Variants in ACSL1 observed in about 807,000 individuals in gnomAD.
The protein encoded by ACSL1 is acyl-CoA synthetase long chain family member 1, also known as long-chain-fatty-acid--CoA ligase 1.
A neutral mutation model predicts 98.4 loss-of-function variants in ACSL1; 41 were observed. The observed-to-expected ratio is 0.42, with a 90% CI of 0.32 to 0.54. The LOEUF (loss-of-function observed/expected upper bound fraction) is 0.54, where lower values mean the gene tolerates loss of function less well. Among genes scored for constraint, ACSL1 ranks in the 20% least tolerant of loss-of-function variants. The pLI is 0.13. For synonymous variants in ACSL1, 316 were observed against 322.7 expected (o/e 0.98, Z 0.22); for missense variants, 734 against 883.1 (o/e 0.83, Z 2.14).
rs1353868869 is a variant in ACSL1 at position 184,819,664 on chromosome 4, G to T, written c.-33+6252C>A. 2.0e-5 allele frequency among the ~76,000 whole-genome samples: 3 copies of T among 152,066 alleles called. No homozygotes were observed. The East Asian group carries it at 5.8e-4, about 29-fold the overall frequency. On this transcript the variant is annotated intron_variant, in intron 1 of 20. Coordinates refer to ENST00000281455, the MANE Select transcript of ACSL1 (RefSeq NM_001995.5). The stretch of plus-strand genomic sequence containing the variant: ...TTTCTAGAAGCCTCAGGATATGGTG[G>T]TTTGGAGAGGAGTGGAGATAGCAGG...
At chr4:184,771,846 A>C (rs1227105009) in intron 10 of ACSL1, among the ~76,000 whole-genome samples, 11 of 152,216 alleles carry the variant, frequency 7.2e-5, no homozygotes, top group Admixed American at 7.2e-4. Flanking sequence ...CAGCCCCAGA[A>C]GCACTGGATG....
chr4:184,788,768 T>A, intron 2 of ACSL1, 37 bp from the exon 3 acceptor site: 1 of 1,537,224 alleles, frequency 6.5e-7, no homozygotes, highest in Non-Finnish European at 9.0e-7. Flanking sequence ...TAGAAGGCAG[T>A]GAAACATCTA....
At chr4:184,779,922 G>C (rs1272654902) in intron 5 of ACSL1, among the ~76,000 whole-genome samples, 17 of 151,160 alleles carry the variant, frequency 1.1e-4, no homozygotes, top group Non-Finnish European at 2.1e-4. Context: ...GCCCAGGCTG[G>C]AGTGCAATGG....
Position 184,766,612 on chromosome 4 carries a change from C to T in ACSL1, c.1263+10G>A, listed in dbSNP as rs750898273. On this transcript the variant is annotated intron_variant, in intron 13 of 20. Coordinates refer to ENST00000281455, the MANE Select transcript of ACSL1 (RefSeq NM_001995.5). The surrounding 1 kb of genome is among the most constrained non-coding windows in gnomAD (Gnocchi z 4.8). ...TTCCATGGGAGCAGTGGCTGTGAGT[C>T]ACGTGTTACCTGTACTTTGTGGAAG... 207 of 1,609,778 alleles carry T rather than the reference C, an allele frequency of 1.3e-4. 16 individuals carry two copies. In the South Asian group the frequency reaches 2.3e-3, roughly 18 times the overall value.
At chr4:184,804,484 G>A (rs1171333855) in intron 1 of ACSL1, among the ~76,000 whole-genome samples, 1 of 151,986 alleles carries the variant, frequency 6.6e-6, no homozygotes, top group African/African-American at 2.4e-5. Context: ...GGAGGGTGAG[G>A]CAGGAGAATC....
intron 3 of ACSL1, among the ~76,000 whole-genome samples, chr4:184,784,853 C>T (rs952289284): frequency 6.6e-6 from 1 of 152,146 alleles, no homozygotes; most frequent in African/African-American, 2.4e-5. Context: ...TTTGCCATCC[C>T]TAAAAACAGT....
intron 17 of ACSL1, among the ~76,000 whole-genome samples, chr4:184,762,031 G>T (rs1202887017): frequency 6.6e-6 from 1 of 151,958 alleles, no homozygotes; most frequent in Non-Finnish European, 1.5e-5. Context: ...GGAGGCTGAG[G>T]CAGGAGAATC....
At chr4:184,793,018 T>C (rs1768668173) in intron 2 of ACSL1, among the ~76,000 whole-genome samples, 2 of 152,154 alleles carry the variant, frequency 1.3e-5, no homozygotes, top group South Asian at 4.1e-4. Flanking sequence ...CATAACCTAC[T>C]GATCAGCAGG....
At chr4:184,776,821 TGTAAA>T in intron 6 of ACSL1, 58 bp downstream of exon 6, 1 of 1,563,376 alleles carries the variant, frequency 6.4e-7, no homozygotes, top group Middle Eastern at 1.7e-4. Context: ...TGTAAGCAAA[TGTAAA>T]GTCACTGAAC....
At chr4:184,758,516 T>C (rs1762425348) in intron 18 of ACSL1, 1 of 152,334 alleles carries the variant, frequency 6.6e-6, no homozygotes, top group African/African-American at 2.4e-5. Flanking sequence ...TGACTGCCAT[T>C]ACACTCCAGC....
intron 12 of ACSL1, among the ~76,000 whole-genome samples, chr4:184,767,503 C>A (rs1031579778): frequency 6.6e-6 from 1 of 151,698 alleles, no homozygotes; most frequent in Non-Finnish European, 1.5e-5. Context: ...TGGAGGGGGT[C>A]GGGGAGCTGA....
intron 4 of ACSL1, 103 bp downstream of exon 4, chr4:184,783,824 C>T: frequency 9.3e-7 from 1 of 1,077,572 alleles, no homozygotes. Flanking sequence ...TGAGCTGGTC[C>T]AGCACATACA....
intron 2 of ACSL1, among the ~76,000 whole-genome samples, chr4:184,801,035 T>G (rs548626657): frequency 1.1e-4 from 17 of 152,068 alleles, no homozygotes; most frequent in African/African-American, 4.1e-4. Context: ...ATAAAAAAAT[T>G]TATAGAGATG....
chr4:184,803,294 C>A lies in ACSL1; in HGVS notation c.195+26G>T. On this transcript the variant is annotated intron_variant, in intron 2 of 20. Transcript: ENST00000281455. The surrounding 1 kb of genome is among the most constrained non-coding windows in gnomAD (Gnocchi z 4.8). The stretch of plus-strand genomic sequence containing the variant: ...TCTGGGGAAATGCGGAGAAAACGCA[C>A]GAGGCAGGCTGGGCCCTCCACTCAC... 1 of 1,505,654 alleles carries A rather than the reference C, an allele frequency of 6.6e-7. No individual in the cohort carries two copies. The highest frequency in any genetic ancestry group is 1.3e-5 in the South Asian group (1 of 76,162). The allele number at this position is 1,505,654 out of a possible 1,614,324, so 93.3% of individuals were successfully genotyped here. A position where few individuals can be genotyped will look rare whatever the true frequency, so the allele number is the denominator to read the frequency against.
rs191888589 is a variant in ACSL1 at position 184,766,113 on chromosome 4, C to T, written c.1264-127G>A. ...AGCTGCAGACCACACGGAGGCCACA[C>T]GGAGAACTCACAGCCCTCATGATGG... On this transcript the variant is annotated intron_variant, in intron 13 of 20. Coordinates refer to ENST00000281455, the MANE Select transcript of ACSL1 (RefSeq NM_001995.5). The surrounding 1 kb of genome is among the most constrained non-coding windows in gnomAD (Gnocchi z 4.8). 29 of 801,852 alleles carry T rather than the reference C, an allele frequency of 3.6e-5. No individual in the cohort carries two copies. The highest frequency in any genetic ancestry group is 3.5e-4 in the Middle Eastern group (1 of 2,866). 49.7% of individuals were successfully genotyped at this position (801,852 alleles called of 1,614,324 possible).
intron 17 of ACSL1, 53 bp from the exon 18 acceptor site, chr4:184,760,553 C>T: frequency 1.2e-6 from 2 of 1,606,396 alleles, no homozygotes; most frequent in Non-Finnish European, 1.7e-6. Context: ...GGTTTCCAAC[C>T]AGGATGGATC....
rs1283914118 is a variant in ACSL1, at chr4:184,757,191, T to C, written c.2031A>G (p.Lys677=). ...TGAAATAGTTCCGCAGCTCTGGCCTTTTCGCCTTCATTGTTGGAGTCAGAA... is the reference window on the plus strand; with the variant it reads ...TGAAATAGTTCCGCAGCTCTGGCCTCTTCGCCTTCATTGTTGGAGTCAGAA... ...NGLLTPTMKA[K]RPELRNYFRS... The change falls in exon 21 of 21, where the codon AAA becomes AAG. Residue 677 remains lysine (K), a synonymous_variant. Transcript: ENST00000281455. This position sits in a 1 kb window ranked among gnomAD's most constrained non-coding sequence, Gnocchi z 4.5. The C allele has an allele frequency of 6.2e-7, 1 of 1,610,838 alleles. No individual in the cohort carries two copies. Among genetic ancestry groups the C allele is most frequent in the South Asian group, 1.1e-5 (1 of 91,026 alleles).
chr4:184,817,018 T>C (rs1416445952), intron 1 of ACSL1, among the ~76,000 whole-genome samples: 2 of 152,104 alleles, frequency 1.3e-5, no homozygotes. Flanking sequence ...GATATGATAG[T>C]AAACAAAAGA....
At chr4:184,795,248 C>T (rs557348496) in intron 2 of ACSL1, among the ~76,000 whole-genome samples, 1 of 152,346 alleles carries the variant, frequency 6.6e-6, no homozygotes, top group Admixed American at 6.5e-5. Flanking sequence ...TCAAGAAACA[C>T]AGCCTACGCT....
Sources: gnomAD v4.1 joint callset for allele counts (sites outside exome capture counted in the v4.1 genomes callset) on GRCh38, gnomAD v4.1.1 for gene constraint, Gnocchi (gnomAD v3.1) non-coding constraint, MANE v1.5 for transcripts, NCBI Gene and HGNC (gene_info 2026-07-23, HGNC 2026-07-21) for gene names.